DTNA: variants seen among roughly 807,000 people sequenced by gnomAD.
DTNA encodes dystrobrevin alpha.
A neutral mutation model predicts 100.7 loss-of-function variants in DTNA; 43 were observed. That is an observed-to-expected ratio of 0.43 (90% CI 0.33 to 0.55). DTNA has a LOEUF of 0.55. Ranked by LOEUF, DTNA falls within the 20% of genes least tolerant of loss-of-function variation. The probability of loss-of-function intolerance (pLI) is 0.04; values close to 1 mark genes in which losing one functional copy is unlikely to be tolerated. For synonymous variants in DTNA, 349 were observed against 347.9 expected, an observed-to-expected ratio of 1.00 and a Z score of -0.04; for missense variants, 798 against 953.9, an observed-to-expected ratio of 0.84 and a Z score of 2.15.
intron 3 of DTNA, among the ~76,000 whole-genome samples, chr18:34,790,567 A>ATTTTTTTTTTTTT (rs1212453384): frequency 2.5e-5 from 1 of 39,654 alleles, no homozygotes; most frequent in African/African-American, 9.1e-5. Context: ...ATATATATAT[A>ATTTTTTTTTTTTT]TTTTTTTTTT....
chr18:34,816,656 T>C (rs542343932), intron 7 of DTNA, among the ~76,000 whole-genome samples: 1 of 152,330 alleles, frequency 6.6e-6, no homozygotes, highest in South Asian at 2.1e-4. Flanking sequence ...ATCTAATCTT[T>C]AGGTGTTCCT....
chr18:34,762,510 G>T (rs1252279420), intron 2 of DTNA, among the ~76,000 whole-genome samples: 1 of 152,072 alleles, frequency 6.6e-6, no homozygotes, highest in East Asian at 1.9e-4. Flanking sequence ...TAGGTTTTTG[G>T]GTTTATAAAC....
At chr18:34,846,126 A>G (rs1011974552) in intron 13 of DTNA, among the ~76,000 whole-genome samples, 2 of 152,094 alleles carry the variant, frequency 1.3e-5, no homozygotes, top group African/African-American at 2.4e-5. Context: ...AATATTATCG[A>G]CATTTCTTGG....
chr18:34,875,111 A>C, intron 17 of DTNA, 128 bp from the exon 18 acceptor site: 1 of 1,372,792 alleles, frequency 7.3e-7, no homozygotes, highest in Non-Finnish European at 1.0e-6. Flanking sequence ...TTACCAACAC[A>C]ATTACCTAGG....
At chr18:34,777,151 TTGTTA>T (rs1327182596) in intron 3 of DTNA, among the ~76,000 whole-genome samples, 1 of 152,234 alleles carries the variant, frequency 6.6e-6, no homozygotes, top group Non-Finnish European at 1.5e-5. Flanking sequence ...ATTTACTTAG[TTGTTA>T]TGTTTATTAC....
intron 1 of DTNA, among the ~76,000 whole-genome samples, chr18:34,507,877 A>C (rs1283861315): frequency 6.6e-6 from 1 of 152,192 alleles, no homozygotes; most frequent in Non-Finnish European, 1.5e-5. Context: ...CCAACCATTG[A>C]AAAATATGCT....
chr18:34,605,192 G>A (rs1379895664), intron 1 of DTNA, among the ~76,000 whole-genome samples: 2 of 151,566 alleles, frequency 1.3e-5, no homozygotes, highest in African/African-American at 4.9e-5. Flanking sequence ...CACTGTTACT[G>A]CAAACTTTTT....
chr18:34,682,092 G>A (rs2078215876), intron 1 of DTNA, among the ~76,000 whole-genome samples: 1 of 152,092 alleles, frequency 6.6e-6, no homozygotes, highest in Non-Finnish European at 1.5e-5. Flanking sequence ...TCAGTAATAT[G>A]CATTTAAGTC....
chr18:34,676,821 C>A (rs1237975746), intron 1 of DTNA, among the ~76,000 whole-genome samples: 1 of 152,120 alleles, frequency 6.6e-6, no homozygotes, highest in Non-Finnish European at 1.5e-5. Context: ...GGTGAGAGAG[C>A]AAGACCTTGT....
rs376012937 is a variant in DTNA at position 34,882,211 on chromosome 18, T to A, written c.2295+10T>A. 23 of 1,613,452 alleles carry A rather than the reference T, an allele frequency of 1.4e-5. No individual in the cohort carries two copies. Among genetic ancestry groups the A allele is most frequent in the Admixed American group, 8.3e-5 (5 of 59,916 alleles). On this transcript the variant is annotated intron_variant, in intron 21 of 22. Transcript: ENST00000444659. The stretch of plus-strand genomic sequence containing the variant: ...AGATGAAGCTTATCAGGTACAGGGA[T>A]CCAGGCCCACCCCACCCCACCTCTT...
intron 1 of DTNA, among the ~76,000 whole-genome samples, chr18:34,543,256 G>T (rs922271563): frequency 6.6e-6 from 1 of 151,688 alleles, no homozygotes; most frequent in African/African-American, 2.4e-5. Context: ...ATAAAATAAT[G>T]AAATGTATTT....
intron 1 of DTNA, among the ~76,000 whole-genome samples, chr18:34,702,546 A>G (rs2081522431): frequency 6.6e-6 from 1 of 152,110 alleles, no homozygotes; most frequent in Admixed American, 6.6e-5. Context: ...CTTCCCCCAC[A>G]GGAAGGCGTT....
At chr18:34,567,932 T>A (rs1328017454) in intron 1 of DTNA, among the ~76,000 whole-genome samples, 1 of 152,208 alleles carries the variant, frequency 6.6e-6, no homozygotes. Context: ...GCCGGGTTTT[T>A]AAAAATACAA....
At chr18:34,796,961 A>T (rs2095000840) in intron 4 of DTNA, among the ~76,000 whole-genome samples, 1 of 152,170 alleles carries the variant, frequency 6.6e-6, no homozygotes, top group Admixed American at 6.5e-5. Context: ...TCCGGATCTC[A>T]ATTTTCATAC....
chr18:34,713,925 T>G (rs555297348), intron 1 of DTNA, among the ~76,000 whole-genome samples: 28 of 152,238 alleles, frequency 1.8e-4, no homozygotes, highest in Admixed American at 1.3e-4. Flanking sequence ...CTCTGTCTGT[T>G]GTTGGTGTAT....
intron 1 of DTNA, among the ~76,000 whole-genome samples, chr18:34,673,717 T>C (rs1235128095): frequency 2.0e-5 from 3 of 152,214 alleles, no homozygotes; most frequent in Non-Finnish European, 2.9e-5. Context: ...AAATTCTACA[T>C]TCATTGCTGA....
chr18:34,829,241 G>A (rs1258127686), intron 10 of DTNA, 159 bp from the exon 11 acceptor site: 45 of 1,532,420 alleles, frequency 2.9e-5, no homozygotes, highest in Non-Finnish European at 3.9e-5. Context: ...GTTGTTTAAA[G>A]CTCACATTTC....
At chr18:34,713,674 G>T (rs375762589) in intron 1 of DTNA, among the ~76,000 whole-genome samples, 44 of 151,804 alleles carry the variant, frequency 2.9e-4, no homozygotes, top group African/African-American at 4.1e-4. Flanking sequence ...GTGAAGAAAG[G>T]CATTGGTAGC....
At chr18:34,860,213 A>ATTTTTTTTTTT (rs1169379979) in intron 16 of DTNA, among the ~76,000 whole-genome samples, 1 of 74,318 alleles carries the variant, frequency 1.3e-5, no homozygotes. Context: ...CGCCCGGCTA[A>ATTTTTTTTTTT]TTTTTTGTTT....
Sources: gnomAD v4.1 joint callset for allele counts (sites outside exome capture counted in the v4.1 genomes callset) on GRCh38, gnomAD v4.1.1 for gene constraint, MANE v1.5 for transcripts, NCBI Gene and HGNC (gene_info 2026-07-23, HGNC 2026-07-21) for gene names.